The following CDH12 variants were observed in gnomAD, a reference collection of about 807,000 sequenced individuals.
The protein encoded by CDH12 is cadherin-12.
A neutral mutation model predicts 74.1 loss-of-function variants in CDH12; 41 were observed. The observed-to-expected ratio is 0.55, with a 90% CI of 0.43 to 0.72. The LOEUF (loss-of-function observed/expected upper bound fraction) is 0.72. Ranked by LOEUF, CDH12 falls within the 30% of genes least tolerant of loss-of-function variation. The pLI, the probability that CDH12 is intolerant of heterozygous loss-of-function variation, is 0.00. For synonymous variants in CDH12, 399 were observed against 355.0 expected (o/e 1.12, Z -1.39); for missense variants, 945 against 977.2 (o/e 0.97, Z 0.44).
At position 22,786,029 on chromosome 5, in the gene CDH12, G is replaced by A. The variant is rs143713421; in HGVS notation, c.-523+67029C>T. 5.9e-5 allele frequency among the ~76,000 whole-genome samples: 9 copies of A among 152,174 alleles called. No homozygotes were observed. The East Asian group carries it at 1.7e-3, about 29-fold the overall frequency. On this transcript the variant is annotated intron_variant, in intron 1 of 14. Transcript: ENST00000382254. ...AACATACACATGTATGTTCATTGGA[G>A]CATTATTCACAATAGCAAAGACAAA...
At chr5:22,233,492 A>T (rs1752461048) in intron 3 of CDH12, among the ~76,000 whole-genome samples, 1 of 152,156 alleles carries the variant, frequency 6.6e-6, no homozygotes, top group Non-Finnish European at 1.5e-5. Context: ...AACTGGAAGC[A>T]TCATCTCAAG....
intron 1 of CDH12, among the ~76,000 whole-genome samples, chr5:22,552,416 C>T (rs1309333389): frequency 1.3e-5 from 2 of 151,602 alleles, no homozygotes; most frequent in Admixed American, 1.3e-4. Flanking sequence ...GACACCTTAA[C>T]ACCCCCATTT....
chr5:21,755,965 T>A (rs571866771), intron 13 of CDH12, 123 bp from the exon 14 acceptor site: 3 of 910,436 alleles, frequency 3.3e-6, no homozygotes, highest in South Asian at 1.8e-5. Context: ...TTATTTTTTT[T>A]ATTTCTGTTC....
intron 4 of CDH12, among the ~76,000 whole-genome samples, chr5:22,155,920 C>G (rs1369525876): frequency 6.6e-6 from 1 of 151,928 alleles, no homozygotes; most frequent in Non-Finnish European, 1.5e-5. Context: ...CTAATAAAAC[C>G]TATATGTCAG....
At chr5:22,079,678 CA>C (rs1742585341) in intron 4 of CDH12, among the ~76,000 whole-genome samples, 1 of 151,966 alleles carries the variant, frequency 6.6e-6, no homozygotes, top group Non-Finnish European at 1.5e-5. Flanking sequence ...GGATCCCTAC[CA>C]GATGCAGAGC....
At chr5:22,440,885 G>T (rs1744596230) in intron 2 of CDH12, among the ~76,000 whole-genome samples, 1 of 152,154 alleles carries the variant, frequency 6.6e-6, no homozygotes, top group African/African-American at 2.4e-5. Context: ...ACAGGTTACA[G>T]GCACGGAAAT....
intron 1 of CDH12, among the ~76,000 whole-genome samples, chr5:22,841,492 G>A (rs1235842690): frequency 6.6e-6 from 1 of 152,172 alleles, no homozygotes. Context: ...GAGTATAGGA[G>A]ATTAGATTTT....
intron 3 of CDH12, among the ~76,000 whole-genome samples, chr5:22,289,661 T>C (rs545291923): frequency 9.9e-5 from 15 of 152,132 alleles, no homozygotes; most frequent in South Asian, 8.3e-4. Flanking sequence ...AAAATATGCA[T>C]TGAAGAAGGA....
At chr5:22,637,448 G>A (rs1738900412) in intron 1 of CDH12, among the ~76,000 whole-genome samples, 2 of 152,152 alleles carry the variant, frequency 1.3e-5, no homozygotes, top group South Asian at 4.1e-4. Flanking sequence ...AAAGAAAGGA[G>A]AAAAGGAAAA....
chr5:22,825,517 G>A (rs778943561), intron 1 of CDH12, among the ~76,000 whole-genome samples: 1 of 152,158 alleles, frequency 6.6e-6, no homozygotes, highest in Non-Finnish European at 1.5e-5. Flanking sequence ...CAAAAGCCCT[G>A]AATTGGGATT....
chr5:21,865,206 G>A (rs900451707), intron 6 of CDH12, among the ~76,000 whole-genome samples: 13 of 152,116 alleles, frequency 8.5e-5, no homozygotes, highest in African/African-American at 2.4e-4. Flanking sequence ...GCTTCTTTAA[G>A]CCACTTGAAG....
chr5:21,819,334 T>C (rs1748234284), intron 8 of CDH12, among the ~76,000 whole-genome samples: 1 of 152,056 alleles, frequency 6.6e-6, no homozygotes, highest in Non-Finnish European at 1.5e-5. Flanking sequence ...ACAAAGTTAT[T>C]ACAGTTGTAC....
intron 1 of CDH12, among the ~76,000 whole-genome samples, chr5:22,624,274 C>A (rs1345469713): frequency 1.3e-5 from 2 of 152,120 alleles, no homozygotes; most frequent in Non-Finnish European, 2.9e-5. Flanking sequence ...GTCTAAAACA[C>A]CAAAAGCAAA....
At chr5:22,339,528 A>G (rs1012734854) in intron 3 of CDH12, among the ~76,000 whole-genome samples, 8 of 152,226 alleles carry the variant, frequency 5.3e-5, no homozygotes, top group African/African-American at 1.9e-4. Context: ...ACTGAGGAGA[A>G]GCAATAAATG....
intron 6 of CDH12, among the ~76,000 whole-genome samples, chr5:21,970,226 T>C (rs1462414479): frequency 6.6e-6 from 1 of 152,178 alleles, no homozygotes; most frequent in Non-Finnish European, 1.5e-5. Flanking sequence ...TGTCTTTATG[T>C]GTGGAAAATA....
intron 6 of CDH12, among the ~76,000 whole-genome samples, chr5:21,910,057 C>T (rs142807103): frequency 6.6e-6 from 1 of 152,100 alleles, no homozygotes; most frequent in Non-Finnish European, 1.5e-5. Flanking sequence ...CTATGCTTCT[C>T]AACTATTCTA....
chr5:22,415,977 G>A (rs987804432), intron 2 of CDH12, among the ~76,000 whole-genome samples: 6 of 148,596 alleles, frequency 4.0e-5, no homozygotes, highest in Non-Finnish European at 7.4e-5. Context: ...TGGTGACCCA[G>A]ATTATATAGT....
chr5:22,121,107 T>G (rs1745489704), intron 4 of CDH12, among the ~76,000 whole-genome samples: 1 of 152,164 alleles, frequency 6.6e-6, no homozygotes, highest in South Asian at 2.1e-4. Flanking sequence ...CAGACTTATA[T>G]CTATATTATG....
intron 11 of CDH12, among the ~76,000 whole-genome samples, chr5:21,782,400 C>T (rs906442508): frequency 3.9e-5 from 6 of 152,132 alleles, no homozygotes; most frequent in African/African-American, 1.2e-4. Flanking sequence ...CATGTTTGTT[C>T]GGAGTTGTTG....
Sources: gnomAD v4.1 joint callset for allele counts (sites outside exome capture counted in the v4.1 genomes callset) on GRCh38, gnomAD v4.1.1 for gene constraint, MANE v1.5 for transcripts, NCBI Gene and HGNC (gene_info 2026-07-23, HGNC 2026-07-21) for gene names.